LYPLAL1: variants seen among roughly 807,000 people sequenced by gnomAD.
LYPLAL1 encodes the protein lysophospholipase-like protein 1.
In LYPLAL1, 23 loss-of-function variants were observed where a neutral mutation model predicts 19.7. That is an observed-to-expected ratio of 1.17 (90% confidence interval 0.84 to 1.65). The LOEUF is 1.65. LYPLAL1 is among the 40% of genes most tolerant of loss of function. LYPLAL1 has a pLI of 0.00. For missense variants in LYPLAL1, 355 were observed against 279.4 expected (o/e 1.27, Z -1.93); for synonymous variants, 119 against 96.3 (o/e 1.24, Z -1.38).
the LYPLAL1 span, among the ~76,000 whole-genome samples, chr1:219,289,078 G>GTTTTTTTT: frequency 2.6e-3 from 299 of 114,504 alleles, 5 homozygotes; most frequent in East Asian, 5.3e-3. Context: ...CTCTTGTTTT[G>GTTTTTTTT]TTTTTTTTGT....
At position 219,196,134 on chromosome 1, in the gene LYPLAL1, CAT is replaced by C. The variant is rs1461691551; in HGVS notation, c.361+2886_361+2887del. Among the ~76,000 whole-genome samples, 13 of 152,130 alleles carry C rather than the reference CAT, an allele frequency of 8.5e-5. 1 individual carries two copies. Among genetic ancestry groups the C allele is most frequent in the Non-Finnish European group, 5.9e-5 (4 of 68,014 alleles). On this transcript the variant is annotated intron_variant, in intron 3 of 4. Transcript: ENST00000366928. ...CTATTGTGAATACTGCTGCAGTGGA[CAT>C]ATGTGTGCATGTATCTTTATAATAG...
At chr1:219,420,479 G>T in the LYPLAL1 span, among the ~76,000 whole-genome samples, 2 of 152,158 alleles carry the variant, frequency 1.3e-5, no homozygotes, top group African/African-American at 4.8e-5. Flanking sequence ...AGTGGTGGAA[G>T]CTGTCCTTGG....
intron 3 of LYPLAL1, chr1:219,198,808 A>G (rs2125082404): frequency 6.6e-6 from 1 of 152,278 alleles, no homozygotes; most frequent in East Asian, 1.9e-4. Context: ...GACATTTCCT[A>G]TGATATAGTT....
the LYPLAL1 span, among the ~76,000 whole-genome samples, chr1:219,406,609 T>C: frequency 6.6e-6 from 1 of 152,238 alleles, no homozygotes; most frequent in Non-Finnish European, 1.5e-5. Flanking sequence ...ATTCACAAGA[T>C]GTGAAGAAGA....
chr1:219,429,340 A>G, the LYPLAL1 span, among the ~76,000 whole-genome samples: 1 of 152,174 alleles, frequency 6.6e-6, no homozygotes, highest in African/African-American at 2.4e-5. Flanking sequence ...CCATCACTTC[A>G]TGATATCACC....
At chr1:219,401,495 TAA>T in the LYPLAL1 span, among the ~76,000 whole-genome samples, 19 of 151,824 alleles carry the variant, frequency 1.3e-4, no homozygotes, top group African/African-American at 4.3e-4. Flanking sequence ...TATCTATTTA[TAA>T]AAGTGTTTCA....
chr1:219,292,799 T>C, the LYPLAL1 span, among the ~76,000 whole-genome samples: 2 of 152,074 alleles, frequency 1.3e-5, no homozygotes, highest in Non-Finnish European at 2.9e-5. Context: ...TATGGTGTGT[T>C]GAGATAGAGA....
the LYPLAL1 span, among the ~76,000 whole-genome samples, chr1:219,295,168 G>C: frequency 0.32 from 48,962 of 151,960 alleles, 8,612 homozygotes; most frequent in Non-Finnish European, 0.39. Context: ...TTCTTAACTT[G>C]CCTATGCCCT....
the LYPLAL1 span, among the ~76,000 whole-genome samples, chr1:219,334,354 C>A: frequency 6.6e-6 from 1 of 151,988 alleles, no homozygotes; most frequent in Admixed American, 6.6e-5. Context: ...CTTTAATCTT[C>A]TAATGTTGTA....
chr1:219,326,325 C>T, the LYPLAL1 span, among the ~76,000 whole-genome samples: 46 of 148,878 alleles, frequency 3.1e-4, no homozygotes, highest in African/African-American at 4.5e-4. Context: ...GGTGGGGGGG[C>T]ATTGAATGAA....
chr1:219,356,545 C>T, the LYPLAL1 span, among the ~76,000 whole-genome samples: 351 of 152,166 alleles, frequency 2.3e-3, 1 homozygote, highest in African/African-American at 7.6e-3. Flanking sequence ...AAATATTTAT[C>T]AATTTAAAAA....
At chr1:219,388,677 G>T in the LYPLAL1 span, among the ~76,000 whole-genome samples, 1 of 152,072 alleles carries the variant, frequency 6.6e-6, no homozygotes, top group Non-Finnish European at 1.5e-5. Flanking sequence ...CTCCTTGAAT[G>T]CTCTGGAACA....
At chr1:219,362,552 A>C in the LYPLAL1 span, among the ~76,000 whole-genome samples, 87 of 152,168 alleles carry the variant, frequency 5.7e-4, 1 homozygote, top group Non-Finnish European at 1.6e-4. Flanking sequence ...TTGAAGGATA[A>C]AGTAAACTTG....
the LYPLAL1 span, among the ~76,000 whole-genome samples, chr1:219,316,909 T>C: frequency 1.3e-5 from 2 of 151,822 alleles, no homozygotes; most frequent in African/African-American, 4.8e-5. Flanking sequence ...AAATGGGGAG[T>C]TACAGTTTAA....
At chr1:219,314,627 G>C in the LYPLAL1 span, among the ~76,000 whole-genome samples, 2 of 152,004 alleles carry the variant, frequency 1.3e-5, no homozygotes, top group Non-Finnish European at 2.9e-5. Flanking sequence ...CGTATTTTTA[G>C]TAGAGACGGG....
the LYPLAL1 span, among the ~76,000 whole-genome samples, chr1:219,391,560 T>C: frequency 6.7e-6 from 1 of 148,698 alleles, no homozygotes; most frequent in East Asian, 2.0e-4. Context: ...AATTGGTAGA[T>C]ACATTTAGCT....
the LYPLAL1 span, among the ~76,000 whole-genome samples, chr1:219,398,877 GC>G: frequency 6.6e-6 from 1 of 152,150 alleles, no homozygotes; most frequent in Admixed American, 6.5e-5. Context: ...CTTTTATTGT[GC>G]CCTGTCTTTG....
the LYPLAL1 span, among the ~76,000 whole-genome samples, chr1:219,414,516 A>G: frequency 4.6e-5 from 7 of 152,334 alleles, no homozygotes; most frequent in African/African-American, 1.4e-4. Flanking sequence ...ACATGGGACA[A>G]TGGTATTCAT....
chr1:219,344,483 C>T, the LYPLAL1 span, among the ~76,000 whole-genome samples: 5 of 152,256 alleles, frequency 3.3e-5, no homozygotes, highest in South Asian at 2.1e-4. Flanking sequence ...AACTATTTTA[C>T]GTGTATTTTA....
Sources: gnomAD v4.1 joint callset for allele counts (sites outside exome capture counted in the v4.1 genomes callset) on GRCh38, gnomAD v4.1.1 for gene constraint, MANE v1.5 for transcripts, NCBI Gene and HGNC (gene_info 2026-07-23, HGNC 2026-07-21) for gene names.